The following SUFU variants were observed in gnomAD, a reference collection of about 807,000 sequenced individuals.
SUFU encodes SUFU negative regulator of hedgehog signaling, also known as suppressor of fused homolog.
Under a neutral mutation model 58.9 loss-of-function variants are expected in SUFU, and 7 were observed. The observed-to-expected ratio is 0.12, with a 90% CI of 0.07 to 0.22. SUFU has a LOEUF of 0.22. SUFU is among the 10% of genes least tolerant of loss of function. The pLI is 1.00. For missense variants in SUFU, 451 were observed against 641.3 expected (o/e 0.70, Z 3.20); for synonymous variants, 232 against 254.8 (o/e 0.91, Z 0.85).
At chr10:102,563,000 C>T (rs2063053916) in intron 3 of SUFU, among the ~76,000 whole-genome samples, 1 of 152,134 alleles carries the variant, frequency 6.6e-6, no homozygotes. Flanking sequence ...TCATATTGCC[C>T]CTTTTCAGAT....
intron 2 of SUFU, among the ~76,000 whole-genome samples, chr10:102,532,574 T>C (rs1009599375): frequency 1.3e-5 from 2 of 152,160 alleles, no homozygotes; most frequent in Non-Finnish European, 2.9e-5. Flanking sequence ...GTTGGCAGAA[T>C]TCCTTTCCTT....
At chr10:102,626,911 C>T (rs2063791401) in intron 10 of SUFU, among the ~76,000 whole-genome samples, 1 of 152,056 alleles carries the variant, frequency 6.6e-6, no homozygotes, top group Admixed American at 6.5e-5. Flanking sequence ...AGCAGCATTC[C>T]CAGCTCTCCC....
At chr10:102,516,505 C>A (rs1240543139) in intron 2 of SUFU, among the ~76,000 whole-genome samples, 3 of 152,060 alleles carry the variant, frequency 2.0e-5, no homozygotes, top group Admixed American at 2.0e-4. Flanking sequence ...TTCAGAGAGT[C>A]CCTCAACAGT....
rs140728487 is a variant in SUFU, at chr10:102,545,323, G to A, written c.318-4647G>A. On this transcript the variant is annotated intron_variant, in intron 2 of 11. Transcript: ENST00000369902. ...TTTTTTTTTTTTTTTTTGTAGAAAC[G>A]GGGTTTGGCCATGTTGCCTAAGGTG... is the stretch of plus-strand genomic sequence containing the variant. 1.2e-4 allele frequency among the ~76,000 whole-genome samples: 16 copies of A among 129,602 alleles called. 1 individual carries two copies. The East Asian group carries it at 1.9e-3, about 15-fold the overall frequency. The allele number at this position is 129,602 out of a possible 152,430, so 85.0% of individuals were successfully genotyped here.
intron 3 of SUFU, among the ~76,000 whole-genome samples, chr10:102,555,321 C>CTTTT (rs201258969): frequency 4.0e-5 from 5 of 124,086 alleles, no homozygotes; most frequent in African/African-American, 1.5e-4. Flanking sequence ...ACACCTTGGT[C>CTTTT]TTTTTTTTTT....
chr10:102,626,038 G>A (rs566659086), intron 10 of SUFU, among the ~76,000 whole-genome samples: 14 of 152,196 alleles, frequency 9.2e-5, no homozygotes, highest in Non-Finnish European at 1.9e-4. Context: ...TTCTTCCTTT[G>A]TGCCCTACCT....
intron 3 of SUFU, among the ~76,000 whole-genome samples, chr10:102,567,262 C>T (rs184499490): frequency 3.7e-4 from 56 of 151,900 alleles, no homozygotes; most frequent in African/African-American, 1.3e-3. Context: ...CCGCCTGCCT[C>T]GGCCTCCCAA....
Position 102,504,003 on chromosome 10 carries a change from A to C in SUFU, c.-150A>C. On this transcript the variant is annotated 5_prime_UTR_variant, in exon 1 of 12. Coordinates refer to ENST00000369902, the MANE Select transcript of SUFU (RefSeq NM_016169.4). ...GGCGGCGGCGACAGCCTGGGCGGAC[A>C]GTGCGCCGTGCGCAGGCGCGGAGCT... 8.8e-7 allele frequency: 1 copy of C among 1,130,776 alleles called. No homozygotes were observed. The highest frequency in any genetic ancestry group is 1.9e-5 in the South Asian group (1 of 52,828). The allele number at this position is 1,130,776 out of a possible 1,614,324, so 70.0% of individuals were successfully genotyped here.
rs181021715 is a variant in SUFU at position 102,550,364 on chromosome 10, G to T, written c.454+258G>T. On this transcript the variant is annotated intron_variant, in intron 3 of 11. Transcript: ENST00000369902. The stretch of plus-strand genomic sequence containing the variant: ...TGTTGTGCCACCCTGCACCCTTGTC[G>T]TGTTTCATGGAGGGTTTCTTTCATG... Among the ~76,000 whole-genome samples the T allele has an allele frequency of 6.8e-4, 103 of 152,266 alleles. 2 individuals carry two copies. In the South Asian group the frequency reaches 0.021, roughly 31 times the overall value.
intron 2 of SUFU, among the ~76,000 whole-genome samples, chr10:102,510,982 G>A (rs1369390876): frequency 6.6e-6 from 1 of 150,972 alleles, no homozygotes; most frequent in Non-Finnish European, 1.5e-5. Flanking sequence ...TTAGCCGGGC[G>A]TGGTGGCACA....
chr10:102,534,824 C>G (rs561899367), intron 2 of SUFU, among the ~76,000 whole-genome samples: 2 of 152,276 alleles, frequency 1.3e-5, no homozygotes, highest in Non-Finnish European at 2.9e-5. Context: ...CCTAGAGCAA[C>G]AGGAGGTCTG....
chr10:102,576,014 T>G (rs1476284746), intron 3 of SUFU, among the ~76,000 whole-genome samples: 2 of 43,356 alleles, frequency 4.6e-5, no homozygotes, highest in African/African-American at 8.6e-5. Context: ...TTTTTCTGTG[T>G]TTTTTTTTTT....
At chr10:102,518,826 C>T (rs947837972) in intron 2 of SUFU, among the ~76,000 whole-genome samples, 21 of 151,520 alleles carry the variant, frequency 1.4e-4, no homozygotes, top group Non-Finnish European at 2.1e-4. Flanking sequence ...TCACCGCACC[C>T]GGCCTGGAAG....
At chr10:102,529,093 CAT>C (rs1305337762) in intron 2 of SUFU, among the ~76,000 whole-genome samples, 1 of 150,110 alleles carries the variant, frequency 6.7e-6, no homozygotes, top group African/African-American at 2.5e-5. Flanking sequence ...ATCATATAAA[CAT>C]ATTTCAAAAG....
rs1265496966 is a variant in SUFU at position 102,504,218 on chromosome 10, C to T, written c.66C>T (p.Ala22=). The T allele has an allele frequency of 1.9e-6, 3 of 1,610,146 alleles. No homozygotes were observed. In the South Asian group the frequency reaches 3.3e-5, roughly 18 times the overall value. ...PTAPPAPGPT[A]PPAFASLFPP... Reference sequence around the variant, plus strand: ...CGCCCCCGGCCCCTGGCCCGACTGCCCCCCCGGCCTTCGCTTCGCTCTTTC... The same window carrying T: ...CGCCCCCGGCCCCTGGCCCGACTGCTCCCCCGGCCTTCGCTTCGCTCTTTC... Residue 22 remains alanine, a synonymous_variant, in exon 1 of 12, where the codon GCC becomes GCT. Coordinates refer to ENST00000369902, the MANE Select transcript of SUFU (RefSeq NM_016169.4).
At chr10:102,532,504 T>C (rs889247124) in intron 2 of SUFU, among the ~76,000 whole-genome samples, 2 of 152,214 alleles carry the variant, frequency 1.3e-5, no homozygotes, top group Non-Finnish European at 2.9e-5. Context: ...TCAGGCGGGC[T>C]GCATCCTCAT....
chr10:102,551,902 AT>A (rs1294894516), intron 3 of SUFU, among the ~76,000 whole-genome samples: 1 of 150,072 alleles, frequency 6.7e-6, no homozygotes, highest in Non-Finnish European at 1.5e-5. Flanking sequence ...TTTTTTGTAT[AT>A]TTTAGTAGAG....
At position 102,597,212 on chromosome 10, in the gene SUFU, G is replaced by T; in HGVS notation, c.829G>T (p.Asp277Tyr). The T allele has an allele frequency of 6.2e-7, 1 of 1,613,990 alleles. No individual in the cohort carries two copies. The highest frequency in any genetic ancestry group is 8.5e-7 in the Non-Finnish European group (1 of 1,180,004). Residue 277 changes from aspartate (D) to tyrosine (Y), a missense_variant, in exon 7 of 12, where the codon GAC (aspartate) becomes TAC (tyrosine). Physicochemically the swap from Asp to Tyr is radical, Grantham distance 160. Coordinates refer to ENST00000369902, the MANE Select transcript of SUFU (RefSeq NM_016169.4). ...SGVSAKCAWD[D>Y]LSRPPEDDED... ...TGTCAGTGCCAAGTGTGCCTGGGAT[G>T]ACCTGAGCCGGCCCCCCGAGGATGA...
intron 8 of SUFU, among the ~76,000 whole-genome samples, chr10:102,610,804 A>G (rs1043615545): frequency 7.9e-5 from 12 of 152,200 alleles, no homozygotes; most frequent in African/African-American, 2.9e-4. Context: ...CACTAGCCAG[A>G]TAGCGCAGAG....
Sources: allele counts gnomAD v4.1 joint callset (sites outside exome capture counted in the v4.1 genomes callset), GRCh38; gene constraint gnomAD v4.1.1; transcripts MANE v1.5; gene names NCBI Gene and HGNC (gene_info 2026-07-23, HGNC 2026-07-21).